The following EHBP1 variants were observed in gnomAD, a reference collection of about 807,000 sequenced individuals.
EHBP1 encodes the protein EH domain binding protein 1.
A neutral mutation model predicts 144.0 loss-of-function variants in EHBP1; 55 were observed. The ratio of observed to expected loss-of-function variants is 0.38; its 90% CI spans 0.31 to 0.48. EHBP1 has a LOEUF of 0.48. Among genes scored for constraint, EHBP1 ranks in the 20% least tolerant of loss-of-function variants. The pLI is 0.98. For synonymous variants in EHBP1, 469 were observed against 472.7 expected (o/e 0.99, Z 0.10); for missense variants, 1,200 against 1,364.2 (o/e 0.88, Z 1.90).
At chr2:63,012,393 GA>G (rs1239061067) in intron 19 of EHBP1, among the ~76,000 whole-genome samples, 1 of 151,998 alleles carries the variant, frequency 6.6e-6, no homozygotes, top group Non-Finnish European at 1.5e-5. Context: ...TATAAATTAA[GA>G]AAGACTGTAG....
At chr2:63,005,870 G>T (rs965877690) in intron 19 of EHBP1, among the ~76,000 whole-genome samples, 2 of 151,834 alleles carry the variant, frequency 1.3e-5, no homozygotes, top group African/African-American at 4.8e-5. Context: ...CTTTAGAGGA[G>T]GTAAAATATC....
chr2:62,829,103 G>A (rs945911286), intron 6 of EHBP1, among the ~76,000 whole-genome samples: 1 of 150,620 alleles, frequency 6.6e-6, no homozygotes, highest in East Asian at 1.9e-4. Context: ...CTTATAGAGT[G>A]AGACCCTGTC....
chr2:62,955,620 C>G lies in EHBP1; in HGVS notation c.2420C>G (p.Thr807Ser). 6.2e-7 allele frequency: 1 copy of G among 1,612,148 alleles called. No individual in the cohort carries two copies. The highest frequency in any genetic ancestry group is 8.5e-7 in the Non-Finnish European group (1 of 1,178,906). The change falls in exon 14 of 23, where the codon ACC becomes AGC. Residue 807 changes from threonine (T) to serine (S), a missense_variant. By Grantham distance (58) the Thr-to-Ser change is moderately conservative (BLOSUM62 1). This residue lies in a region of EHBP1 where 543 missense variants were observed against 513.1 expected (regional missense o/e 1.06). Transcript: ENST00000431489. ...TTAAAGGCGGGGAATAAGCACAATA[C>G]CAACACAGCCACCCCATTCTGCAAC... ...AALKAGNKHN[T>S]NTATPFCNRQ...
chr2:63,039,847 C>T (rs1207569539), intron 21 of EHBP1, among the ~76,000 whole-genome samples: 2 of 152,028 alleles, frequency 1.3e-5, no homozygotes, highest in Non-Finnish European at 2.9e-5. Flanking sequence ...TGATAAATAT[C>T]ACTGGCAACA....
intron 10 of EHBP1, among the ~76,000 whole-genome samples, chr2:62,936,698 A>G (rs2056409931): frequency 6.6e-6 from 1 of 152,148 alleles, no homozygotes; most frequent in Admixed American, 6.5e-5. Context: ...AAATTTAATT[A>G]TGGCACAATC....
chr2:62,803,449 T>C (rs2044196004), intron 5 of EHBP1, among the ~76,000 whole-genome samples: 1 of 152,230 alleles, frequency 6.6e-6, no homozygotes, highest in South Asian at 2.1e-4. Context: ...ATGCTAGCTA[T>C]TACCACATTT....
intron 10 of EHBP1, among the ~76,000 whole-genome samples, chr2:62,883,219 T>C (rs1204728709): frequency 6.6e-6 from 1 of 152,162 alleles, no homozygotes; most frequent in Non-Finnish European, 1.5e-5. Flanking sequence ...TAGAGAGAGG[T>C]ATTTCTGGTT....
At chr2:62,919,352 G>A (rs1489054200) in intron 10 of EHBP1, among the ~76,000 whole-genome samples, 1 of 152,090 alleles carries the variant, frequency 6.6e-6, no homozygotes, top group Admixed American at 6.5e-5. Context: ...TTGAAGACTA[G>A]ACTATTCAAA....
chr2:63,009,488 A>G (rs1042609605), intron 19 of EHBP1, among the ~76,000 whole-genome samples: 2 of 151,634 alleles, frequency 1.3e-5, no homozygotes, highest in African/African-American at 4.8e-5. Context: ...GTTAAGGTGT[A>G]AATAACATTC....
rs1432521126 is a variant in EHBP1 at position 62,836,504 on chromosome 2, C to T, written c.634+5346C>T. Reference sequence around the variant, plus strand: ...AAAGCTGGATGGAGAATGACTTTGACGAGCTGAGAGAAGGCTTCAGACGAT... The same window carrying T: ...AAAGCTGGATGGAGAATGACTTTGATGAGCTGAGAGAAGGCTTCAGACGAT... On this transcript the variant is annotated intron_variant, in intron 7 of 22. Coordinates refer to ENST00000431489, the MANE Select transcript of EHBP1 (RefSeq NM_001142616.3). 6.3e-5 allele frequency among the ~76,000 whole-genome samples: 9 copies of T among 143,996 alleles called. No homozygotes were observed. In the East Asian group the frequency reaches 1.0e-3, roughly 16 times the overall value. 94.5% of individuals were successfully genotyped at this position (143,996 alleles called of 152,430 possible).
At chr2:63,019,874 A>AGGAAGGAAGGAAGGAC (rs1559075059) in intron 19 of EHBP1, among the ~76,000 whole-genome samples, 13 of 143,786 alleles carry the variant, frequency 9.0e-5, no homozygotes, top group Non-Finnish European at 1.7e-4. Context: ...GAAGGAAGGA[A>AGGAAGGAAGGAAGGAC]GGAAGGAAGG....
chr2:62,825,041 T>G (rs1308035500), intron 5 of EHBP1, among the ~76,000 whole-genome samples: 2 of 152,024 alleles, frequency 1.3e-5, no homozygotes, highest in Non-Finnish European at 2.9e-5. Flanking sequence ...GTTTTCTGAC[T>G]TGCTCAAGGT....
intron 2 of EHBP1, among the ~76,000 whole-genome samples, chr2:62,716,730 C>G (rs1026295021): frequency 6.6e-6 from 1 of 152,182 alleles, no homozygotes; most frequent in Non-Finnish European, 1.5e-5. Context: ...CAAATAGTCT[C>G]TTGTGAGAGG....
At chr2:62,751,930 A>C (rs1292735574) in intron 3 of EHBP1, among the ~76,000 whole-genome samples, 1 of 151,086 alleles carries the variant, frequency 6.6e-6, no homozygotes, top group African/African-American at 2.4e-5. Flanking sequence ...TTTTCAAAAA[A>C]CCAGCTCCTG....
At chr2:62,849,552 T>C (rs1411339327) in intron 7 of EHBP1, among the ~76,000 whole-genome samples, 3 of 152,168 alleles carry the variant, frequency 2.0e-5, no homozygotes, top group Non-Finnish European at 2.9e-5. Flanking sequence ...TTTCTATAGA[T>C]AAATGAAACA....
chr2:62,805,467 T>TC (rs2044369401), intron 5 of EHBP1, among the ~76,000 whole-genome samples: 1 of 147,296 alleles, frequency 6.8e-6, no homozygotes. Flanking sequence ...CTTTGTATTT[T>TC]CTTTTTTTTT....
At chr2:62,885,236 A>T (rs1376813653) in intron 10 of EHBP1, among the ~76,000 whole-genome samples, 1 of 152,196 alleles carries the variant, frequency 6.6e-6, no homozygotes. Context: ...CCAAGACTAG[A>T]ATTTAAACAA....
intron 1 of EHBP1, among the ~76,000 whole-genome samples, chr2:62,685,520 A>G (rs2033689578): frequency 1.3e-5 from 2 of 151,932 alleles, no homozygotes; most frequent in Non-Finnish European, 2.9e-5. Context: ...TCCCCTTTTG[A>G]TAAGGACGTC....
At chr2:63,030,518 C>T (rs1259099240) in intron 19 of EHBP1, among the ~76,000 whole-genome samples, 3 of 151,974 alleles carry the variant, frequency 2.0e-5, no homozygotes, top group South Asian at 2.1e-4. Flanking sequence ...GACGGAGTCT[C>T]GCTCTATCGC....
Sources: gnomAD v4.1 joint callset for allele counts (sites outside exome capture counted in the v4.1 genomes callset) on GRCh38, gnomAD v4.1.1 for gene constraint, gnomAD v4.1.1 regional missense constraint, MANE v1.5 for transcripts, NCBI Gene and HGNC (gene_info 2026-07-23, HGNC 2026-07-21) for gene names.